Variants in INSC observed in about 807,000 individuals in gnomAD.
INSC encodes the protein INSC spindle orientation adaptor protein.
Under a neutral mutation model 58.6 loss-of-function variants are expected in INSC, and 67 were observed. The observed-to-expected ratio is 1.14, with a 90% CI of 0.94 to 1.40. The LOEUF is 1.40. Ranked by LOEUF, INSC falls within the 40% of genes most tolerant of loss-of-function variation. The pLI is 0.00. For missense variants in INSC, 714 were observed against 692.0 expected (o/e 1.03, Z -0.36); for synonymous variants, 262 against 276.1 (o/e 0.95, Z 0.51).
chr11:15,247,756 T>TATATATATATATATATATATATATATA (rs1473234183), downstream of INSC, among the ~76,000 whole-genome samples: 37 of 148,404 alleles, frequency 2.5e-4, no homozygotes, highest in Non-Finnish European at 2.7e-4. Flanking sequence ...TATATATATA[T>TATATATATATATATATATATATATATA]TTCACTGAGT....
chr11:15,116,854 T>C lies in INSC; in HGVS notation c.-46+1851T>C, dbSNP rs1355989927. ...CTTTCTTTCTTTCTTTCTTTCTCTC[T>C]CTCTCTCTCTCTCTCTCTCTCTCCC... On this transcript the variant is annotated intron_variant, in intron 1 of 12. Coordinates refer to ENST00000379556, the MANE Select transcript of INSC (RefSeq NM_001042536.3). Among the ~76,000 whole-genome samples the C allele has an allele frequency of 1.6e-4, 9 of 57,566 alleles. No individual in the cohort carries two copies. In the East Asian group the frequency reaches 3.3e-3, roughly 21 times the overall value. 37.8% of individuals were successfully genotyped at this position (57,566 alleles called of 152,430 possible). A position where few individuals can be genotyped will look rare whatever the true frequency, so the allele number is the denominator to read the frequency against.
chr11:15,207,322 CAA>C (rs1564903473), intron 7 of INSC, among the ~76,000 whole-genome samples: 1 of 152,068 alleles, frequency 6.6e-6, no homozygotes, highest in Non-Finnish European at 1.5e-5. Flanking sequence ...TTTATTTTTT[CAA>C]ATAACGAGTT....
At chr11:15,197,122 A>G (rs77228798) in intron 6 of INSC, among the ~76,000 whole-genome samples, 2,246 of 152,314 alleles carry the variant, frequency 0.015, 141 homozygotes, top group East Asian at 0.094. Flanking sequence ...AGATGAAGAG[A>G]CAGAGTTTCA....
intron 9 of INSC, among the ~76,000 whole-genome samples, chr11:15,232,986 C>T (rs1421883080): frequency 6.6e-6 from 1 of 152,140 alleles, no homozygotes; most frequent in African/African-American, 2.4e-5. Flanking sequence ...AAAATTGTGT[C>T]ATTTTAAGCC....
At chr11:15,200,997 G>C in intron 7 of INSC, 48 bp downstream of exon 7, 1 of 1,557,230 alleles carries the variant, frequency 6.4e-7, no homozygotes, top group Non-Finnish European at 8.7e-7. Context: ...AGCCAGGTAG[G>C]GGTGAGGTCC....
intron 7 of INSC, among the ~76,000 whole-genome samples, chr11:15,205,043 C>T (rs181163795): frequency 6.6e-6 from 1 of 152,182 alleles, no homozygotes; most frequent in Admixed American, 6.5e-5. Context: ...CATTCACTCA[C>T]GGGAAGTCAC....
At chr11:15,239,993 C>T (rs1359756801) in intron 11 of INSC, among the ~76,000 whole-genome samples, 1 of 152,148 alleles carries the variant, frequency 6.6e-6, no homozygotes, top group Non-Finnish European at 1.5e-5. Flanking sequence ...TGCATACCTT[C>T]TACTACTATC....
chr11:15,239,667 A>T (rs1480530640), intron 11 of INSC, among the ~76,000 whole-genome samples: 1 of 152,204 alleles, frequency 6.6e-6, no homozygotes, highest in Non-Finnish European at 1.5e-5. Flanking sequence ...GACAGATAAA[A>T]AAAGAGATAT....
intron 7 of INSC, among the ~76,000 whole-genome samples, chr11:15,221,206 A>G (rs112842402): frequency 2.6e-5 from 4 of 151,146 alleles, no homozygotes; most frequent in African/African-American, 7.3e-5. Context: ...GACTCTAGAC[A>G]CTTGACTTGA....
At chr11:15,139,026 C>T (rs2133721785) in intron 1 of INSC, among the ~76,000 whole-genome samples, 1 of 152,316 alleles carries the variant, frequency 6.6e-6, no homozygotes, top group South Asian at 2.1e-4. Context: ...CTGTCATTTG[C>T]TCAAGGCTTT....
At chr11:15,262,878 A>T in the INSC span, among the ~76,000 whole-genome samples, 1 of 151,944 alleles carries the variant, frequency 6.6e-6, no homozygotes, top group African/African-American at 2.4e-5. Context: ...AACAGAGGAA[A>T]AAAATCAGAA....
intron 5 of INSC, among the ~76,000 whole-genome samples, chr11:15,186,243 T>C (rs974405725): frequency 7.8e-5 from 6 of 77,254 alleles, no homozygotes; most frequent in African/African-American, 2.1e-4. Flanking sequence ...GATTTCTTTC[T>C]GCTACTTTTT....
chr11:15,122,872 A>G (rs572157712), intron 1 of INSC, among the ~76,000 whole-genome samples: 1 of 152,258 alleles, frequency 6.6e-6, no homozygotes, highest in South Asian at 2.1e-4. Flanking sequence ...CTCTGTTCAT[A>G]TCATTTTCTT....
chr11:15,145,602 T>G (rs1848472627), intron 1 of INSC, among the ~76,000 whole-genome samples: 1 of 152,210 alleles, frequency 6.6e-6, no homozygotes, highest in African/African-American at 2.4e-5. Flanking sequence ...TAACTGGGAC[T>G]ATGATCTCCC....
Position 15,172,118 on chromosome 11 carries a change from G to T in INSC, c.57-3623G>T, listed in dbSNP as rs370905678. Among the ~76,000 whole-genome samples, 8 of 152,312 alleles carry T rather than the reference G, an allele frequency of 5.3e-5. No homozygotes were observed. The South Asian group carries it at 1.0e-3, about 20-fold the overall frequency. On this transcript the variant is annotated intron_variant, in intron 2 of 12. Coordinates refer to ENST00000379556, the MANE Select transcript of INSC (RefSeq NM_001042536.3). ...ATTGACAGAAGAGACAGAAAAAGAT[G>T]CTGGAAAGATAATGTAACAGATGTC...
intron 9 of INSC, 42 bp from the exon 10 acceptor site, chr11:15,235,560 A>T: frequency 6.8e-7 from 1 of 1,480,346 alleles, no homozygotes; most frequent in Non-Finnish European, 9.5e-7. Context: ...TATTAGGATC[A>T]GGTGTGCTCA....
chr11:15,137,867 C>G (rs150950328), intron 1 of INSC, among the ~76,000 whole-genome samples: 2,053 of 152,240 alleles, frequency 0.013, 18 homozygotes, highest in Middle Eastern at 0.02. Flanking sequence ...AACAACTTGC[C>G]TAACCGTTTG....
At chr11:15,213,295 C>T (rs769579072) in intron 7 of INSC, among the ~76,000 whole-genome samples, 2 of 152,094 alleles carry the variant, frequency 1.3e-5, no homozygotes, top group Admixed American at 6.5e-5. Flanking sequence ...CCTAATGATA[C>T]CAAGACTCCA....
rs550277058 is a variant in INSC, at chr11:15,218,924, C to T, written c.820-2553C>T. Among the ~76,000 whole-genome samples, 6 of 152,260 alleles carry T rather than the reference C, an allele frequency of 3.9e-5. No individual in the cohort carries two copies. In the South Asian group the frequency reaches 1.0e-3, roughly 26 times the overall value. On this transcript the variant is annotated intron_variant, in intron 7 of 12. Transcript: ENST00000379556. ...TCCTTAAGTGTTAGGTCAAATTTTA[C>T]TTTATTGTACTTATTTCCCACTTAC... is the stretch of plus-strand genomic sequence containing the variant.
Sources: gnomAD v4.1 joint callset for allele counts (sites outside exome capture counted in the v4.1 genomes callset) on GRCh38, gnomAD v4.1.1 for gene constraint, MANE v1.5 for transcripts, NCBI Gene and HGNC (gene_info 2026-07-23, HGNC 2026-07-21) for gene names.